DISP1: variants seen among roughly 807,000 people sequenced by gnomAD.
The protein encoded by DISP1 is protein dispatched homolog 1.
A neutral mutation model predicts 37.3 loss-of-function variants in DISP1; 30 were observed. The ratio of observed to expected loss-of-function variants is 0.80; its 90% CI spans 0.60 to 1.09. The LOEUF is 1.09. Ranked by LOEUF, DISP1 falls within the 50% of genes least tolerant of loss-of-function variation. The pLI is 0.00. For missense variants in DISP1, 1,598 were observed against 1,879.5 expected, an observed-to-expected ratio of 0.85 and a Z score of 2.77; for synonymous variants, 634 against 690.2, an observed-to-expected ratio of 0.92 and a Z score of 1.28.
chr1:222,858,050 T>C (rs561452686), intron 1 of DISP1, among the ~76,000 whole-genome samples: 22 of 152,194 alleles, frequency 1.4e-4, no homozygotes, highest in African/African-American at 5.3e-4. Context: ...TATAAGGCTA[T>C]AGTAACCAAA....
chr1:222,955,729 A>G (rs894249312), intron 3 of DISP1, among the ~76,000 whole-genome samples: 2 of 152,174 alleles, frequency 1.3e-5, no homozygotes, highest in African/African-American at 4.8e-5. Context: ...CCTTCAGGAC[A>G]TTTACCAATC....
intron 1 of DISP1, among the ~76,000 whole-genome samples, chr1:222,833,068 T>G (rs1005536486): frequency 6.6e-6 from 1 of 152,048 alleles, no homozygotes; most frequent in Non-Finnish European, 1.5e-5. Context: ...GGGGGTTCTG[T>G]GTTTGACTTC....
At chr1:222,985,523 G>A (rs1330274522) in intron 4 of DISP1, among the ~76,000 whole-genome samples, 1 of 152,162 alleles carries the variant, frequency 6.6e-6, no homozygotes, top group African/African-American at 2.4e-5. Context: ...GGTGGCGGGT[G>A]CCTGGAATCC....
Position 222,943,114 on chromosome 1 carries a change from C to A in DISP1, c.291C>A (p.His97Gln), listed in dbSNP as rs759715045. 2 of 1,613,912 alleles carry A rather than the reference C, an allele frequency of 1.2e-6. No homozygotes were observed. The highest frequency in any genetic ancestry group is 2.7e-5 in the African/African-American group (2 of 74,922). ...ACCCTTTGACTAGCCATAGCAGTCA[C>A]CAAGAGTGCCATCCCGAGGCTGGCC... ...YHHPLTSHSS[H>Q]QECHPEAGPA... Residue 97 changes from histidine (H) to glutamine (Q), a missense_variant, in exon 3 of 9, where the codon CAC becomes CAA. Physicochemically the swap from His to Gln is conservative, Grantham distance 24 (BLOSUM62 0). Coordinates refer to ENST00000675850, the MANE Select transcript of DISP1 (RefSeq NM_001377229.1).
chr1:222,845,593 G>T (rs1047549149), intron 1 of DISP1, among the ~76,000 whole-genome samples: 1 of 152,010 alleles, frequency 6.6e-6, no homozygotes, highest in Non-Finnish European at 1.5e-5. Flanking sequence ...TTAATGCTGT[G>T]CTTTTTGAGT....
intron 4 of DISP1, among the ~76,000 whole-genome samples, chr1:222,987,737 A>C (rs1678382015): frequency 6.6e-6 from 1 of 152,222 alleles, no homozygotes; most frequent in East Asian, 1.9e-4. Context: ...TATTGATAAC[A>C]TGTTAATAGG....
intron 1 of DISP1, among the ~76,000 whole-genome samples, chr1:222,892,564 G>A (rs548392215): frequency 6.6e-6 from 1 of 152,246 alleles, no homozygotes; most frequent in South Asian, 2.1e-4. Context: ...TGAATGTTAC[G>A]TTACTTGAAT....
intron 1 of DISP1, among the ~76,000 whole-genome samples, chr1:222,923,774 T>A (rs1672937129): frequency 6.6e-6 from 1 of 152,146 alleles, no homozygotes; most frequent in Admixed American, 6.6e-5. Flanking sequence ...CTCTGCTTCC[T>A]TGTCTGGTGA....
At chr1:222,919,034 A>T (rs1672657416) in intron 1 of DISP1, among the ~76,000 whole-genome samples, 1 of 152,158 alleles carries the variant, frequency 6.6e-6, no homozygotes, top group South Asian at 2.1e-4. Context: ...GACTGGAGGG[A>T]GCCATGGATC....
chr1:222,999,375 T>C (rs1679286728), intron 8 of DISP1, among the ~76,000 whole-genome samples: 1 of 152,178 alleles, frequency 6.6e-6, no homozygotes, highest in African/African-American at 2.4e-5. Flanking sequence ...TCCAAAAATA[T>C]GGCAAAAACA....
At chr1:222,998,378 T>C (rs939811759) in intron 8 of DISP1, among the ~76,000 whole-genome samples, 5 of 151,548 alleles carry the variant, frequency 3.3e-5, no homozygotes, top group African/African-American at 1.2e-4. Context: ...TGGTAATTAG[T>C]ATAAGATCTC....
chr1:222,930,256 C>G (rs532088600), intron 2 of DISP1, among the ~76,000 whole-genome samples: 6 of 152,024 alleles, frequency 3.9e-5, no homozygotes, highest in Non-Finnish European at 8.8e-5. Flanking sequence ...TCTTATAACT[C>G]AGTGTGGATG....
At chr1:222,831,465 A>C (rs1179445873) in intron 1 of DISP1, among the ~76,000 whole-genome samples, 1 of 152,210 alleles carries the variant, frequency 6.6e-6, no homozygotes, top group Non-Finnish European at 1.5e-5. Context: ...AAATAGCTGT[A>C]AGTTCTTATT....
intron 1 of DISP1, among the ~76,000 whole-genome samples, chr1:222,901,517 GTTTT>G (rs1007258361): frequency 6.6e-6 from 1 of 151,064 alleles, no homozygotes; most frequent in African/African-American, 2.4e-5. Flanking sequence ...TTGTTTGTTT[GTTTT>G]TTTGTTTGTT....
intron 1 of DISP1, among the ~76,000 whole-genome samples, chr1:222,868,673 A>G (rs1020548458): frequency 4.6e-5 from 7 of 152,102 alleles, no homozygotes; most frequent in African/African-American, 1.4e-4. Context: ...AGAATTTCCC[A>G]CAGAAGAAAA....
intron 2 of DISP1, among the ~76,000 whole-genome samples, chr1:222,937,983 C>T (rs895749949): frequency 6.6e-6 from 1 of 152,000 alleles, no homozygotes; most frequent in African/African-American, 2.4e-5. Flanking sequence ...AAGTGATCCT[C>T]CCATTTCAGC....
In DISP1 at chr1:222,994,985, A is replaced by G; in HGVS notation, c.987+3A>G. ...TGTGCAATGTAGATAATTCCAGGGTATGTAAGATAAAAACTAAAATCTCCT... is the reference window on the plus strand; with the variant it reads ...TGTGCAATGTAGATAATTCCAGGGTGTGTAAGATAAAAACTAAAATCTCCT... On this transcript the variant is annotated splice_donor_region_variant and intron_variant, in intron 8 of 8. Transcript: ENST00000675850. 3 of 1,606,712 alleles carry G rather than the reference A, an allele frequency of 1.9e-6. No homozygotes were observed. Among genetic ancestry groups the G allele is most frequent in the Non-Finnish European group, 2.6e-6 (3 of 1,173,846 alleles).
chr1:222,830,000 A>G (rs1185576804), intron 1 of DISP1, among the ~76,000 whole-genome samples: 1 of 152,134 alleles, frequency 6.6e-6, no homozygotes, highest in Non-Finnish European at 1.5e-5. Flanking sequence ...GCACTGATAG[A>G]AAAGATGAGG....
chr1:222,897,273 CTA>C (rs1415317990), intron 1 of DISP1, among the ~76,000 whole-genome samples: 1 of 152,126 alleles, frequency 6.6e-6, no homozygotes, highest in Admixed American at 6.5e-5. Flanking sequence ...ACAGGCAAAA[CTA>C]TGATGATAGA....
Sources: gnomAD v4.1 joint callset for allele counts (sites outside exome capture counted in the v4.1 genomes callset) on GRCh38, gnomAD v4.1.1 for gene constraint, MANE v1.5 for transcripts, NCBI Gene and HGNC (gene_info 2026-07-23, HGNC 2026-07-21) for gene names.